Variants in NUBPL observed in about 807,000 individuals in gnomAD.
NUBPL encodes the protein iron-sulfur cluster transfer protein NUBPL.
A neutral mutation model predicts 45.7 loss-of-function variants in NUBPL; 31 were observed. The observed-to-expected ratio is 0.68, with a 90% CI of 0.51 to 0.92. The LOEUF (loss-of-function observed/expected upper bound fraction) is 0.92, where lower values mean the gene tolerates loss of function less well. Among genes scored for constraint, NUBPL ranks in the 40% least tolerant of loss-of-function variants. The pLI is 0.00. For missense variants in NUBPL, 401 were observed against 398.7 expected (o/e 1.01, Z -0.05); for synonymous variants, 144 against 140.9 (o/e 1.02, Z -0.15).
At chr14:31,736,942 T>C (rs2038178192) in intron 6 of NUBPL, among the ~76,000 whole-genome samples, 1 of 152,244 alleles carries the variant, frequency 6.6e-6, no homozygotes, top group African/African-American at 2.4e-5. Flanking sequence ...TGTTGAGTAC[T>C]GCTTATTGTC....
At chr14:31,855,625 T>G (rs1390617674) in intron 10 of NUBPL, among the ~76,000 whole-genome samples, 1 of 53,170 alleles carries the variant, frequency 1.9e-5, no homozygotes, top group Admixed American at 1.6e-4. Flanking sequence ...TTTTTAGAGT[T>G]TTTTTTTTTT....
intron 4 of NUBPL, among the ~76,000 whole-genome samples, chr14:31,653,724 A>G (rs1450628604): frequency 1.3e-5 from 2 of 152,224 alleles, no homozygotes; most frequent in African/African-American, 4.8e-5. Context: ...GGATTAAGAG[A>G]TTAAAGTAAG....
At chr14:31,731,407 G>A (rs915454903) in intron 6 of NUBPL, among the ~76,000 whole-genome samples, 1 of 152,136 alleles carries the variant, frequency 6.6e-6, no homozygotes, top group Admixed American at 6.5e-5. Context: ...AATTTTTTAT[G>A]CCTCTGGGTT....
intron 6 of NUBPL, among the ~76,000 whole-genome samples, chr14:31,700,664 G>T (rs1333945723): frequency 6.6e-6 from 1 of 152,022 alleles, no homozygotes; most frequent in African/African-American, 2.4e-5. Flanking sequence ...CACTGGCCCC[G>T]GGCAGTGAGG....
intron 6 of NUBPL, among the ~76,000 whole-genome samples, chr14:31,678,736 C>G (rs944351387): frequency 7.2e-5 from 11 of 152,188 alleles, no homozygotes; most frequent in African/African-American, 2.7e-4. Context: ...AAGCCACGAC[C>G]TGTGCAGCCT....
At chr14:31,667,899 G>A (rs551594183) in intron 4 of NUBPL, 49 of 159,820 alleles carry the variant, frequency 3.1e-4, no homozygotes, top group African/African-American at 1.2e-3. Flanking sequence ...GAACAGCAAA[G>A]ATTGCTGCCT....
chr14:31,607,593 A>G (rs2034637561), intron 4 of NUBPL, among the ~76,000 whole-genome samples: 1 of 152,068 alleles, frequency 6.6e-6, no homozygotes, highest in South Asian at 2.1e-4. Flanking sequence ...TGAAGTTGGC[A>G]TGCTGAAGAA....
chr14:31,826,969 C>A (rs1375156527), intron 8 of NUBPL, among the ~76,000 whole-genome samples: 1 of 152,120 alleles, frequency 6.6e-6, no homozygotes, highest in Admixed American at 6.5e-5. Flanking sequence ...CTCATACTTG[C>A]AGCTATCACT....
chr14:31,710,047 G>T (rs1300896495), intron 6 of NUBPL, among the ~76,000 whole-genome samples: 1 of 152,112 alleles, frequency 6.6e-6, no homozygotes, highest in East Asian at 1.9e-4. Context: ...CAAGCTGCAG[G>T]ATAGTATTGT....
chr14:31,775,824 CTT>C (rs1455991433), intron 6 of NUBPL, among the ~76,000 whole-genome samples: 1 of 151,838 alleles, frequency 6.6e-6, no homozygotes, highest in South Asian at 2.1e-4. Flanking sequence ...AACTGAGAAA[CTT>C]TTACCAAAGG....
intron 6 of NUBPL, among the ~76,000 whole-genome samples, chr14:31,731,954 G>A (rs769240223): frequency 7.2e-5 from 11 of 151,892 alleles, no homozygotes; most frequent in Non-Finnish European, 1.6e-4. Flanking sequence ...TGTAATCCCA[G>A]GACTTTGAGA....
chr14:31,690,887 A>G (rs550927973), intron 6 of NUBPL, among the ~76,000 whole-genome samples: 41 of 152,238 alleles, frequency 2.7e-4, no homozygotes, highest in Non-Finnish European at 4.3e-4. Flanking sequence ...ATGAGGAAGA[A>G]TTAGTAGAAG....
chr14:31,760,527 A>T (rs1258090240), intron 6 of NUBPL, among the ~76,000 whole-genome samples: 1 of 152,016 alleles, frequency 6.6e-6, no homozygotes, highest in Admixed American at 6.6e-5. Flanking sequence ...TCCTTCTATG[A>T]GTTCTACTTT....
intron 6 of NUBPL, among the ~76,000 whole-genome samples, chr14:31,769,442 C>G (rs2038968640): frequency 6.6e-6 from 1 of 152,076 alleles, no homozygotes. Context: ...TTTTAATGTT[C>G]TTTATTGGTA....
At chr14:31,645,368 G>A (rs1300847099) in intron 4 of NUBPL, among the ~76,000 whole-genome samples, 1 of 152,114 alleles carries the variant, frequency 6.6e-6, no homozygotes, top group Non-Finnish European at 1.5e-5. Flanking sequence ...ACCCAGCTGT[G>A]AGGTGCATTT....
chr14:31,820,008 C>T (rs1211281976), intron 7 of NUBPL, among the ~76,000 whole-genome samples: 4 of 151,744 alleles, frequency 2.6e-5, no homozygotes, highest in Non-Finnish European at 4.4e-5. Context: ...GGCATGGTGG[C>T]GGGTGCCTGT....
intron 6 of NUBPL, among the ~76,000 whole-genome samples, chr14:31,681,168 T>C (rs2036824601): frequency 6.6e-6 from 1 of 152,116 alleles, no homozygotes; most frequent in African/African-American, 2.4e-5. Flanking sequence ...TGAAGGAATT[T>C]ATCGGTGAAA....
chr14:31,715,779 G>A (rs147362201), intron 6 of NUBPL, among the ~76,000 whole-genome samples: 5 of 152,160 alleles, frequency 3.3e-5, no homozygotes, highest in Non-Finnish European at 5.9e-5. Context: ...TATAAACATT[G>A]TACACTTAGG....
intron 8 of NUBPL, among the ~76,000 whole-genome samples, chr14:31,834,372 G>A (rs575992030): frequency 1.8e-4 from 28 of 151,934 alleles, no homozygotes; most frequent in Admixed American, 3.3e-4. Flanking sequence ...GTAGAGACGG[G>A]GTTTCACCGT....
Sources: allele counts gnomAD v4.1 joint callset (sites outside exome capture counted in the v4.1 genomes callset), GRCh38; gene constraint gnomAD v4.1.1; transcripts MANE v1.5; gene names NCBI Gene and HGNC (gene_info 2026-07-23, HGNC 2026-07-21).